LRRC37A3: variants seen among roughly 807,000 people sequenced by gnomAD.
LRRC37A3 encodes the protein leucine rich repeat containing 37 member A3, also known as leucine-rich repeat-containing protein 37A3.
LRRC37A3 carries 25 observed loss-of-function variants against 106.2 expected under a neutral mutation model. The ratio of observed to expected loss-of-function variants is 0.24; its 90% confidence interval spans 0.17 to 0.33. The LOEUF is 0.33. LRRC37A3 is among the 10% of genes least tolerant of loss of function. The pLI, the probability that LRRC37A3 is intolerant of heterozygous loss-of-function variation, is 1.00. For missense variants in LRRC37A3, 712 were observed against 1,644.9 expected, an observed-to-expected ratio of 0.43 and a Z score of 9.81; for synonymous variants, 305 against 635.8, an observed-to-expected ratio of 0.48 and a Z score of 7.83.
chr17:64,885,155 GT>G (rs1256800862), intron 8 of LRRC37A3, among the ~76,000 whole-genome samples: 1 of 99,384 alleles, frequency 1.0e-5, no homozygotes, highest in East Asian at 3.8e-4. Flanking sequence ...CTTTACAAAA[GT>G]TTTTTTTTGC....
intron 8 of LRRC37A3, among the ~76,000 whole-genome samples, chr17:64,872,057 G>A (rs1283596090): frequency 6.7e-6 from 1 of 149,950 alleles, no homozygotes; most frequent in Non-Finnish European, 1.5e-5. Context: ...GTGTGAACCC[G>A]GGAGGTGGAG....
At chr17:64,876,172 A>G (rs979000456) in intron 8 of LRRC37A3, among the ~76,000 whole-genome samples, 1 of 152,034 alleles carries the variant, frequency 6.6e-6, no homozygotes. Context: ...ATCTGGCCAC[A>G]AACATTTTGT....
intron 8 of LRRC37A3, chr17:64,877,018 A>G (rs1973534534): frequency 6.6e-6 from 1 of 152,228 alleles, no homozygotes; most frequent in Non-Finnish European, 1.5e-5. Flanking sequence ...GTAAACATGA[A>G]GCCGATAATA....
chr17:64,917,077 C>G (rs1974720079), intron 2 of LRRC37A3, among the ~76,000 whole-genome samples: 1 of 151,552 alleles, frequency 6.6e-6, no homozygotes, highest in Non-Finnish European at 1.5e-5. Flanking sequence ...AACCCCGTCT[C>G]TACTAAATAT....
intron 8 of LRRC37A3, among the ~76,000 whole-genome samples, chr17:64,879,616 T>A (rs1191985646): frequency 6.6e-6 from 1 of 152,118 alleles, no homozygotes; most frequent in East Asian, 1.9e-4. Flanking sequence ...GAGTGCCACA[T>A]GACTGGTTAA....
At chr17:64,903,840 G>GT (rs1202050944) in intron 2 of LRRC37A3, among the ~76,000 whole-genome samples, 1 of 147,666 alleles carries the variant, frequency 6.8e-6, no homozygotes, top group African/African-American at 2.6e-5. Flanking sequence ...CCTTCTACGA[G>GT]TAAAAAAAAG....
chr17:64,864,096 T>G (rs180838302), intron 10 of LRRC37A3, among the ~76,000 whole-genome samples: 177 of 152,048 alleles, frequency 1.2e-3, no homozygotes, highest in African/African-American at 4.0e-3. Context: ...TCCAAAGTGC[T>G]GGGATTACAA....
At chr17:64,881,142 C>G in intron 8 of LRRC37A3, 1 of 700,986 alleles carries the variant, frequency 1.4e-6, no homozygotes, top group Non-Finnish European at 2.6e-6. Flanking sequence ...TCTCCCCACA[C>G]CAAGCTCCTC....
rs1222096458 is a variant in LRRC37A3 at position 64,860,630 on chromosome 17, C to T, written c.3516G>A (p.Arg1172=). ...CTTTGAAGTGCCTTTTCTGGATGCTCCTTGGGCCCATGAGGACTCTATTCA... is the reference window on the plus strand; with the variant it reads ...CTTTGAAGTGCCTTTTCTGGATGCTTCTTGGGCCCATGAGGACTCTATTCA... The part of the protein sequence containing the change: ...QRLNRVLMGP[R]SIQKRHFKEV... The change falls in exon 12 of 15, where the codon AGG becomes AGA. Residue 1172 remains arginine (R), a synonymous_variant. Coordinates refer to ENST00000584306, the MANE Select transcript of LRRC37A3 (RefSeq NM_199340.5). 3.7e-6 allele frequency: 6 copies of T among 1,613,954 alleles called. No individual in the cohort carries two copies. Among genetic ancestry groups the T allele is most frequent in the Non-Finnish European group, 4.2e-6 (5 of 1,179,868 alleles).
chr17:64,878,516 G>T lies in LRRC37A3; in HGVS notation c.2906+7570C>A, dbSNP rs143173763. Among the ~76,000 whole-genome samples the T allele has an allele frequency of 5.5e-3, 844 of 152,244 alleles. 4 individuals are homozygous for T. The highest frequency in any genetic ancestry group is 9.7e-3 in the Admixed American group (149 of 15,302). ...AAAGACAAATCAATTTTTTAAATGG[G>T]CAGAGGATTTGAATAAATATTTCTT... On this transcript the variant is annotated intron_variant, in intron 8 of 14. Coordinates refer to ENST00000584306, the MANE Select transcript of LRRC37A3 (RefSeq NM_199340.5).
At position 64,859,799 on chromosome 17, in the gene LRRC37A3, G is replaced by A. The variant is rs150089635; in HGVS notation, c.4347C>T (p.Asn1449=). Residue 1449 remains asparagine (N), a synonymous_variant, in exon 12 of 15, where the codon AAC becomes AAT. Transcript: ENST00000584306. ...KQTETKWEYN[N]VGTDLSPEPK... is the part of the protein sequence containing the mutation. Reference sequence around the variant, plus strand: ...GCTCGGGGGACAGGTCAGTGCCCACGTTGTTGTATTCCCATTTTGTCTCAG... The same window carrying A: ...GCTCGGGGGACAGGTCAGTGCCCACATTGTTGTATTCCCATTTTGTCTCAG... The A allele has an allele frequency of 2.5e-3, 4,030 of 1,612,180 alleles. 85 individuals are homozygous for A. The African/African-American group carries it at 0.047, about 19-fold the overall frequency.
intron 11 of LRRC37A3, among the ~76,000 whole-genome samples, chr17:64,862,105 T>TAAA (rs35421412): frequency 8.1e-6 from 1 of 123,292 alleles, no homozygotes; most frequent in African/African-American, 3.1e-5. Context: ...ACATAATTGG[T>TAAA]AAAAAAAAAA....
intron 2 of LRRC37A3, among the ~76,000 whole-genome samples, chr17:64,912,750 G>A (rs1974618326): frequency 6.8e-6 from 1 of 147,972 alleles, no homozygotes; most frequent in Non-Finnish European, 1.5e-5. Context: ...GAAACCATTT[G>A]AAAATATAAT....
At chr17:64,869,691 C>A (rs1203384063) in intron 8 of LRRC37A3, among the ~76,000 whole-genome samples, 1 of 151,480 alleles carries the variant, frequency 6.6e-6, no homozygotes, top group Non-Finnish European at 1.5e-5. Context: ...CAGGCACCCA[C>A]CACCACGCCC....
chr17:64,859,887 T>C lies in LRRC37A3; in HGVS notation c.4259A>G (p.Asn1420Ser), dbSNP rs753962730. 9 of 1,613,310 alleles carry C rather than the reference T, an allele frequency of 5.6e-6. No homozygotes were observed. Among genetic ancestry groups the C allele is most frequent in the Non-Finnish European group, 7.6e-6 (9 of 1,179,854 alleles). The stretch of plus-strand genomic sequence containing the variant: ...AGCGGAATCTGCCTCAGGAGGATGA[T>C]TGTAGTTTGTGTTTTCAGAGATGGT... ...EGTISENTNY[N>S]HPPEADSAGT... is the part of the protein sequence containing the mutation. Residue 1420 changes from asparagine to serine, a missense_variant, in exon 12 of 15, where the codon AAT becomes AGT. Transcript: ENST00000584306.
intron 8 of LRRC37A3, chr17:64,871,930 G>C (rs555483416): frequency 1.3e-5 from 2 of 152,138 alleles, no homozygotes; most frequent in Non-Finnish European, 1.5e-5. Flanking sequence ...TCAGGGGATC[G>C]AGACCATCCT....
intron 13 of LRRC37A3, 93 bp from the exon 14 acceptor site, chr17:64,855,982 T>C (rs1211376415): frequency 4.4e-6 from 7 of 1,599,210 alleles, no homozygotes; most frequent in Non-Finnish European, 6.0e-6. Flanking sequence ...ATAAGTCTCA[T>C]CTACCTGATG....
Position 64,859,467 on chromosome 17 carries a change from C to T in LRRC37A3, c.4679G>A (p.Ser1560Asn). The T allele has an allele frequency of 1.2e-6, 2 of 1,610,332 alleles. No individual in the cohort carries two copies. Among genetic ancestry groups the T allele is most frequent in the East Asian group, 2.2e-5 (1 of 44,830 alleles). The change falls in exon 12 of 15, where the codon AGT becomes AAT. Residue 1560 changes from serine (S) to asparagine (N), a missense_variant. Physicochemically the swap from Ser to Asn is conservative, Grantham distance 46. Coordinates refer to ENST00000584306, the MANE Select transcript of LRRC37A3 (RefSeq NM_199340.5). ...NYINESTEAQSEQKEKSLEFT... is the reference protein window; with the variant it reads ...NYINESTEAQNEQKEKSLEFT... Reference sequence around the variant, plus strand: ...CTCAAGCGACTTCTCTTTCTGTTCACTCTGGGCTTCTGTGCTCTCATTAAT... The same window carrying T: ...CTCAAGCGACTTCTCTTTCTGTTCATTCTGGGCTTCTGTGCTCTCATTAAT...
chr17:64,860,942 T>G lies in LRRC37A3; in HGVS notation c.3204A>C (p.Gly1068=). 1 of 1,613,988 alleles carries G rather than the reference T, an allele frequency of 6.2e-7. No individual in the cohort carries two copies. Among genetic ancestry groups the G allele is most frequent in the African/African-American group, 1.3e-5 (1 of 74,996 alleles). ...PEEASVGNPE[G]AFMKVLQARK... The stretch of plus-strand genomic sequence containing the variant: ...GGGCTTGTAACACCTTCATGAACGC[T>G]CCTTCTGGATTCCCTACAGATGCTT... The change falls in exon 12 of 15, where the codon GGA becomes GGC. Residue 1068 remains glycine (G), a synonymous_variant. Coordinates refer to ENST00000584306, the MANE Select transcript of LRRC37A3 (RefSeq NM_199340.5).
Sources: gnomAD v4.1 joint callset for allele counts (sites outside exome capture counted in the v4.1 genomes callset) on GRCh38, gnomAD v4.1.1 for gene constraint, MANE v1.5 for transcripts, NCBI Gene and HGNC (gene_info 2026-07-23, HGNC 2026-07-21) for gene names.